LHFPL3: variants seen among roughly 807,000 people sequenced by gnomAD.
LHFPL3 encodes the protein LHFPL tetraspan subfamily member 3.
In LHFPL3, 5 loss-of-function variants were observed where a neutral mutation model predicts 19.3. That is an observed-to-expected ratio of 0.26 (90% CI 0.14 to 0.54). The LOEUF (loss-of-function observed/expected upper bound fraction) is 0.54. Among genes scored for constraint, LHFPL3 ranks in the 20% least tolerant of loss-of-function variants. LHFPL3 has a pLI of 0.94. For synonymous variants in LHFPL3, 133 were observed against 126.2 expected (o/e 1.05, Z -0.36); for missense variants, 249 against 307.4 (o/e 0.81, Z 1.42).
intron 2 of LHFPL3, among the ~76,000 whole-genome samples, chr7:104,867,200 A>G (rs1182107303): frequency 2.0e-5 from 3 of 152,182 alleles, no homozygotes; most frequent in Non-Finnish European, 2.9e-5. Flanking sequence ...TTCAAAAGCT[A>G]GCAGAAGGCA....
At chr7:104,506,238 G>A (rs1031852591) in intron 1 of LHFPL3, among the ~76,000 whole-genome samples, 2 of 147,684 alleles carry the variant, frequency 1.4e-5, no homozygotes, top group South Asian at 2.3e-4. Context: ...GGAAATCCCC[G>A]CCCCCGCTGC....
chr7:104,656,518 G>C (rs369369846), intron 1 of LHFPL3, among the ~76,000 whole-genome samples: 1 of 152,210 alleles, frequency 6.6e-6, no homozygotes, highest in African/African-American at 2.4e-5. Flanking sequence ...TCTCCCAGCA[G>C]AGGCTGATAT....
At chr7:104,558,429 G>C (rs1789906838) in intron 1 of LHFPL3, among the ~76,000 whole-genome samples, 1 of 151,930 alleles carries the variant, frequency 6.6e-6, no homozygotes, top group Admixed American at 6.6e-5. Flanking sequence ...CTGATGGCCA[G>C]TGATGATGAG....
intron 1 of LHFPL3, among the ~76,000 whole-genome samples, chr7:104,590,553 T>G (rs765114665): frequency 1.6e-4 from 25 of 152,190 alleles, no homozygotes; most frequent in Middle Eastern, 3.2e-3. Flanking sequence ...AGTTTTGGAA[T>G]AAGTGTGATG....
intron 1 of LHFPL3, among the ~76,000 whole-genome samples, chr7:104,577,525 T>C (rs960686951): frequency 2.0e-5 from 3 of 152,178 alleles, no homozygotes; most frequent in Non-Finnish European, 2.9e-5. Flanking sequence ...TGTTTATAGA[T>C]AAATGCCTAT....
At chr7:104,607,432 C>T (rs1381189791) in intron 1 of LHFPL3, among the ~76,000 whole-genome samples, 2 of 152,192 alleles carry the variant, frequency 1.3e-5, no homozygotes, top group Non-Finnish European at 2.9e-5. Context: ...GAAACATTAA[C>T]TACATACAGA....
At chr7:104,575,934 G>T (rs1790329941) in intron 1 of LHFPL3, among the ~76,000 whole-genome samples, 1 of 152,116 alleles carries the variant, frequency 6.6e-6, no homozygotes, top group South Asian at 2.1e-4. Flanking sequence ...TTTGGAAAGG[G>T]TGGCTAAGGA....
At chr7:104,402,128 AG>A (rs1791326357) in intron 1 of LHFPL3, among the ~76,000 whole-genome samples, 1 of 152,018 alleles carries the variant, frequency 6.6e-6, no homozygotes, top group Non-Finnish European at 1.5e-5. Context: ...CAAACAAAAA[AG>A]CTTCCAAGTC....
intron 2 of LHFPL3, among the ~76,000 whole-genome samples, chr7:104,853,108 T>C (rs1407480934): frequency 6.6e-6 from 1 of 152,190 alleles, no homozygotes; most frequent in Non-Finnish European, 1.5e-5. Flanking sequence ...GTGTGTCTGG[T>C]GGACAGTGGA....
At chr7:104,486,130 T>G (rs1317042173) in intron 1 of LHFPL3, among the ~76,000 whole-genome samples, 1 of 152,200 alleles carries the variant, frequency 6.6e-6, no homozygotes, top group Non-Finnish European at 1.5e-5. Flanking sequence ...TGACAAAAGA[T>G]TTCCTACTGC....
Position 104,443,618 on chromosome 7 carries a change from G to C in LHFPL3, c.445+114394G>C, listed in dbSNP as rs77753710. Reference sequence around the variant, plus strand: ...TCTGTGTAACCAACAAGGACATGTAGCTGTAAAAAATTCCATAATCCCAGA... The same window carrying C: ...TCTGTGTAACCAACAAGGACATGTACCTGTAAAAAATTCCATAATCCCAGA... On this transcript the variant is annotated intron_variant, in intron 1 of 2. Coordinates refer to ENST00000424859, the MANE Select transcript of LHFPL3 (RefSeq NM_199000.3). Among the ~76,000 whole-genome samples, 346 of 152,356 alleles carry C rather than the reference G, an allele frequency of 2.3e-3. 5 individuals are homozygous for C. In the East Asian group the frequency reaches 0.026, roughly 11 times the overall value.
intron 2 of LHFPL3, among the ~76,000 whole-genome samples, chr7:104,795,272 C>A (rs2116457829): frequency 6.6e-6 from 1 of 152,318 alleles, no homozygotes; most frequent in East Asian, 1.9e-4. Context: ...ACATCACGAG[C>A]TGCCACACAA....
intron 1 of LHFPL3, among the ~76,000 whole-genome samples, chr7:104,523,921 A>G (rs1481393967): frequency 6.6e-6 from 1 of 152,208 alleles, no homozygotes; most frequent in African/African-American, 2.4e-5. Context: ...CATCTCTCAG[A>G]TTCATCCTAG....
intron 1 of LHFPL3, among the ~76,000 whole-genome samples, chr7:104,354,789 A>C (rs956429083): frequency 1.3e-5 from 2 of 152,156 alleles, no homozygotes; most frequent in African/African-American, 4.8e-5. Context: ...TAATTGCACA[A>C]TTTCTAGTAG....
chr7:104,904,110 T>G (rs1933047440), intron 2 of LHFPL3, among the ~76,000 whole-genome samples: 1 of 152,214 alleles, frequency 6.6e-6, no homozygotes, highest in Non-Finnish European at 1.5e-5. Context: ...CAGATAATCA[T>G]TATAGACTAA....
intron 1 of LHFPL3, among the ~76,000 whole-genome samples, chr7:104,432,627 C>G (rs141484977): frequency 8.4e-4 from 128 of 152,216 alleles, no homozygotes; most frequent in African/African-American, 2.9e-3. Flanking sequence ...ATACAGCCAA[C>G]TCACCATTGG....
chr7:104,387,455 CAG>C (rs1283206574), intron 1 of LHFPL3, among the ~76,000 whole-genome samples: 1 of 151,864 alleles, frequency 6.6e-6, no homozygotes, highest in Non-Finnish European at 1.5e-5. Context: ...TTTGAGCTGA[CAG>C]AAGAAAGAAC....
intron 1 of LHFPL3, among the ~76,000 whole-genome samples, chr7:104,435,628 A>G (rs190627196): frequency 1.3e-5 from 2 of 151,444 alleles, no homozygotes; most frequent in African/African-American, 2.4e-5. Context: ...TTGAAGCAAG[A>G]TATTTTCTGA....
chr7:104,515,488 A>T (rs1042224827), intron 1 of LHFPL3, among the ~76,000 whole-genome samples: 2 of 152,190 alleles, frequency 1.3e-5, no homozygotes, highest in African/African-American at 4.8e-5. Context: ...AGCGTATGTT[A>T]CCCAAGCATG....
Sources: allele counts gnomAD v4.1 joint callset (sites outside exome capture counted in the v4.1 genomes callset), GRCh38; gene constraint gnomAD v4.1.1; transcripts MANE v1.5; gene names NCBI Gene and HGNC (gene_info 2026-07-23, HGNC 2026-07-21).